The following KCNC4 variants were observed in gnomAD, a reference collection of about 807,000 sequenced individuals.
KCNC4 encodes voltage-gated potassium channel KCNC4.
Under a neutral mutation model 42.8 loss-of-function variants are expected in KCNC4, and 23 were observed. The ratio of observed to expected loss-of-function variants is 0.54; its 90% CI spans 0.39 to 0.76. KCNC4 has a LOEUF of 0.76. KCNC4 is among the 30% of genes least tolerant of loss of function. KCNC4 has a pLI of 0.00. For synonymous variants in KCNC4, 422 were observed against 393.5 expected, an observed-to-expected ratio of 1.07 and a Z score of -0.86; for missense variants, 751 against 898.2, an observed-to-expected ratio of 0.84 and a Z score of 2.10.
chr1:110,271,817 C>A (rs757814860), intron 1 of KCNC4, among the ~76,000 whole-genome samples: 1 of 152,188 alleles, frequency 6.6e-6, no homozygotes. Context: ...CTTTGGGAAT[C>A]TTCCCTCTTG....
chr1:110,262,956 C>A (rs1008802944), intron 1 of KCNC4, among the ~76,000 whole-genome samples: 2 of 152,206 alleles, frequency 1.3e-5, no homozygotes, highest in Admixed American at 1.3e-4. Context: ...CCTAGGATAG[C>A]CCTGTGAACA....
chr1:110,224,015 A>G (rs1658261876), intron 2 of KCNC4, 115 bp downstream of exon 2: 1 of 853,948 alleles, frequency 1.2e-6, no homozygotes, highest in Non-Finnish European at 1.8e-6. Context: ...TTCCCTAAGC[A>G]TAAAGATGTG....
Position 110,223,815 on chromosome 1 carries a change from TGAG to T in KCNC4, c.1534_1536del (p.Glu512del), listed in dbSNP as rs1658244588. On this transcript the variant is annotated inframe_deletion, in exon 2 of 4. Transcript: ENST00000438661. The surrounding 1 kb of genome is among the most constrained non-coding windows in gnomAD (Gnocchi z 7.5). ...TGGAGTCACCCATGTACTGCAAGTC[TGAG>T]GAGACTTCCCCCCGGGACAGCACCT... is the stretch of plus-strand genomic sequence containing the variant. 2 of 1,613,690 alleles carry T rather than the reference TGAG, an allele frequency of 1.2e-6. No homozygotes were observed. The highest frequency in any genetic ancestry group is 2.7e-5 in the African/African-American group (2 of 74,904).
exon 4 of KCNC4, chr1:110,246,823 A>G (rs1659159456): frequency 7.0e-6 from 1 of 142,576 alleles, no homozygotes. Flanking sequence ...CCACATGCCT[A>G]GTTGCACAGT....
intron 1 of KCNC4, among the ~76,000 whole-genome samples, chr1:110,216,657 G>C (rs1432746495): frequency 2.6e-5 from 4 of 152,158 alleles, no homozygotes. Flanking sequence ...TGGCCTTGAG[G>C]GTAGGAGACC....
At chr1:110,248,915 G>A (rs1360557622) in exon 4 of KCNC4, 1 of 152,238 alleles carries the variant, frequency 6.6e-6, no homozygotes. Flanking sequence ...GAGAGTGGCA[G>A]ATGCAGGAAA....
chr1:110,241,199 T>C (rs1301475058), exon 4 of KCNC4: 1 of 152,158 alleles, frequency 6.6e-6, no homozygotes, highest in African/African-American at 2.4e-5. Flanking sequence ...CTTGGGTTCT[T>C]TCCCACCCCT....
At chr1:110,253,931 T>G (rs1444041987), downstream of KCNC4, among the ~76,000 whole-genome samples, 2 of 152,084 alleles carry the variant, frequency 1.3e-5, no homozygotes, top group East Asian at 3.9e-4. Flanking sequence ...GCCCCCGCCC[T>G]ACTTCACGGC....
intron 1 of KCNC4, among the ~76,000 whole-genome samples, chr1:110,258,656 A>G (rs1421149441): frequency 6.6e-6 from 1 of 152,234 alleles, no homozygotes; most frequent in African/African-American, 2.4e-5. Flanking sequence ...ACAGATGACT[A>G]TTAACCCTGC....
chr1:110,222,671 T>C lies in KCNC4; in HGVS notation c.679-293T>C, dbSNP rs1011498865. The C allele has an allele frequency of 7.9e-6, 3 of 379,612 alleles. No homozygotes were observed. In the Admixed American group the frequency reaches 1.2e-4, roughly 15 times the overall value. The allele number at this position is 379,612 out of a possible 1,614,324, so 23.5% of individuals were successfully genotyped here. Reference sequence around the variant, plus strand: ...CCTTAAAATGCAAATGGGTCAGAGGTGGGCAGAGCTATCAAAGGCAGGTCT... The same window carrying C: ...CCTTAAAATGCAAATGGGTCAGAGGCGGGCAGAGCTATCAAAGGCAGGTCT... On this transcript the variant is annotated intron_variant, in intron 1 of 3. Coordinates refer to ENST00000438661, the MANE Select transcript of KCNC4 (RefSeq NM_001039574.3).
chr1:110,261,579 A>T (rs772000617), intron 1 of KCNC4, among the ~76,000 whole-genome samples: 6 of 140,936 alleles, frequency 4.3e-5, no homozygotes, highest in Non-Finnish European at 8.1e-5. Context: ...TCCCTAATAA[A>T]AACGCTTTAT....
downstream of KCNC4, among the ~76,000 whole-genome samples, chr1:110,250,014 G>A (rs923613045): frequency 1.9e-4 from 29 of 152,160 alleles, no homozygotes; most frequent in African/African-American, 6.8e-4. Context: ...GCTGTTATCA[G>A]CGAACACTTT....
chr1:110,240,844 C>T (rs533681322), exon 4 of KCNC4: 5 of 152,594 alleles, frequency 3.3e-5, no homozygotes, highest in African/African-American at 1.2e-4. Context: ...CTGTGCTATC[C>T]TCTCACCATG....
At chr1:110,237,450 A>G (rs1034968056), downstream of KCNC4, 5 of 146,616 alleles carry the variant, frequency 3.4e-5, no homozygotes, top group South Asian at 2.1e-4. Context: ...GGCTTTTTGG[A>G]AAAAAAAAAA....
intron 3 of KCNC4, among the ~76,000 whole-genome samples, chr1:110,230,769 C>T (rs778604062): frequency 2.0e-5 from 3 of 152,230 alleles, no homozygotes; most frequent in Non-Finnish European, 4.4e-5. Flanking sequence ...GCTGAGTAGA[C>T]TGTCTGCCCT....
At chr1:110,236,973 A>C (rs1018458394), downstream of KCNC4, 1 of 152,134 alleles carries the variant, frequency 6.6e-6, no homozygotes, top group African/African-American at 2.4e-5. Flanking sequence ...CATAGTAGGT[A>C]TATATAAGAA....
chr1:110,241,579 CAAAG>C (rs1314098949), exon 4 of KCNC4: 1 of 152,204 alleles, frequency 6.6e-6, no homozygotes, highest in Non-Finnish European at 1.5e-5. Context: ...CTCCAATTAA[CAAAG>C]AAGGACGTGG....
In KCNC4 at chr1:110,211,134, C is replaced by A. The variant is rs893092375; in HGVS notation, c.-366C>A. 6.6e-6 allele frequency among the ~76,000 whole-genome samples: 1 copy of A among 152,260 alleles called. No individual in the cohort carries two copies. Among genetic ancestry groups the A allele is most frequent in the African/African-American group, 2.4e-5 (1 of 41,470 alleles). On this transcript the variant is annotated 5_prime_UTR_variant, in exon 1 of 4. Coordinates refer to ENST00000438661, the MANE Select transcript of KCNC4 (RefSeq NM_001039574.3). The surrounding 1 kb of genome is among the most constrained non-coding windows in gnomAD (Gnocchi z 6.5). ...ACCTTCGCGGTGCGCGTGGACTGTG[C>A]GCTTCCTCGTCTTTGGTCGGGGTGA...
rs1659620303 is a variant in KCNC4 at position 110,270,751 on chromosome 1, C to T, written n.31-11783C>T. On this transcript the variant is annotated intron_variant and non_coding_transcript_variant, in intron 1 of 2. Coordinates refer to the KCNC4 transcript ENST00000412512. ...CCAAAGTGGGCCTGGCTCTTCTCAC[C>T]CAACCACACTGCATCAGAGGTGAGC... Among the ~76,000 whole-genome samples the T allele has an allele frequency of 3.3e-5, 5 of 152,140 alleles. No homozygotes were observed. In the South Asian group the frequency reaches 1.0e-3, roughly 32 times the overall value.
Sources: gnomAD v4.1 joint callset for allele counts (sites outside exome capture counted in the v4.1 genomes callset) on GRCh38, gnomAD v4.1.1 for gene constraint, Gnocchi (gnomAD v3.1) non-coding constraint, MANE v1.5 for transcripts, NCBI Gene and HGNC (gene_info 2026-07-23, HGNC 2026-07-21) for gene names.